The following NRXN1 variants were observed in gnomAD, a reference collection of about 807,000 sequenced individuals.
NRXN1 encodes the protein neurexin-1.
In NRXN1, 39 loss-of-function variants were observed where a neutral mutation model predicts 150.9. The observed-to-expected ratio is 0.26, with a 90% CI of 0.20 to 0.34. The LOEUF is 0.34. Ranked by LOEUF, NRXN1 falls within the 10% of genes least tolerant of loss-of-function variation. The pLI is 1.00. For synonymous variants in NRXN1, 924 were observed against 757.0 expected (o/e 1.22, Z -3.62); for missense variants, 1,815 against 1,949.9 (o/e 0.93, Z 1.30).
chr2:50,873,859 C>T (rs1477734535), intron 5 of NRXN1, among the ~76,000 whole-genome samples: 3 of 151,758 alleles, frequency 2.0e-5, no homozygotes, highest in East Asian at 3.9e-4. Flanking sequence ...CTGGCAAGTG[C>T]CTCCAGGGAA....
chr2:50,564,015 G>C (rs1302841997), intron 8 of NRXN1, among the ~76,000 whole-genome samples: 3 of 152,146 alleles, frequency 2.0e-5, no homozygotes, highest in Non-Finnish European at 2.9e-5. Context: ...CTGAGAAGTT[G>C]TATAAGTTTG....
chr2:50,436,256 C>G (rs192585228), intron 17 of NRXN1, among the ~76,000 whole-genome samples: 3 of 152,186 alleles, frequency 2.0e-5, no homozygotes, highest in African/African-American at 7.2e-5. Context: ...GAGTTCGACA[C>G]CAGCCTGACC....
At chr2:50,487,855 C>T (rs961312929) in intron 15 of NRXN1, among the ~76,000 whole-genome samples, 1 of 152,180 alleles carries the variant, frequency 6.6e-6, no homozygotes, top group Non-Finnish European at 1.5e-5. Context: ...ACCCTCGCAT[C>T]TGCACAGAAG....
At chr2:50,391,770 T>G (rs1460773617) in intron 17 of NRXN1, among the ~76,000 whole-genome samples, 2 of 152,144 alleles carry the variant, frequency 1.3e-5, no homozygotes. Context: ...AGAATTAAAA[T>G]GGTCAGGCTG....
intron 22 of NRXN1, among the ~76,000 whole-genome samples, chr2:49,931,612 A>G (rs763143132): frequency 6.6e-6 from 1 of 151,952 alleles, no homozygotes; most frequent in African/African-American, 2.4e-5. Flanking sequence ...CTCAGGCCCA[A>G]CTTTCCATAA....
intron 21 of NRXN1, among the ~76,000 whole-genome samples, chr2:49,958,908 G>A (rs546606184): frequency 6.6e-6 from 1 of 152,136 alleles, no homozygotes; most frequent in African/African-American, 2.4e-5. Context: ...TCCGTCCTGA[G>A]AAATGAGAAA....
intron 18 of NRXN1, among the ~76,000 whole-genome samples, chr2:50,111,001 T>C (rs1450602971): frequency 6.6e-6 from 1 of 152,220 alleles, no homozygotes; most frequent in African/African-American, 2.4e-5. Flanking sequence ...ATTTTCATCT[T>C]TTTTATTTGA....
chr2:50,167,784 A>C (rs1306353081), intron 18 of NRXN1, among the ~76,000 whole-genome samples: 2 of 151,998 alleles, frequency 1.3e-5, no homozygotes, highest in African/African-American at 4.8e-5. Flanking sequence ...ATTGGTCTGG[A>C]GTTCAGTTTG....
chr2:50,689,802 A>G (rs963267818), intron 5 of NRXN1, among the ~76,000 whole-genome samples: 10 of 151,944 alleles, frequency 6.6e-5, no homozygotes, highest in Non-Finnish European at 1.3e-4. Flanking sequence ...AACAACTTCC[A>G]ACTTTATAAG....
At chr2:50,556,915 C>CT (rs1333278565) in intron 8 of NRXN1, among the ~76,000 whole-genome samples, 1 of 152,076 alleles carries the variant, frequency 6.6e-6, no homozygotes, top group East Asian at 1.9e-4. Context: ...AATTCTTGAG[C>CT]TTTTTTTACC....
chr2:50,837,922 T>C (rs1050305400), intron 5 of NRXN1, among the ~76,000 whole-genome samples: 1 of 152,140 alleles, frequency 6.6e-6, no homozygotes, highest in Non-Finnish European at 1.5e-5. Context: ...AGTGAGCTGA[T>C]TTATTTTGGG....
chr2:50,251,554 G>A (rs775709513), intron 17 of NRXN1, among the ~76,000 whole-genome samples: 2 of 152,230 alleles, frequency 1.3e-5, no homozygotes, highest in Admixed American at 6.5e-5. Flanking sequence ...CCCAGTAGTA[G>A]GATTGCTGGG....
intron 17 of NRXN1, among the ~76,000 whole-genome samples, chr2:50,298,084 A>C (rs894038078): frequency 4.1e-4 from 63 of 152,106 alleles, no homozygotes; most frequent in African/African-American, 1.4e-3. Flanking sequence ...TATTAAGATT[A>C]ATAAAAAGAC....
At chr2:50,402,822 C>T (rs1434445475) in intron 17 of NRXN1, among the ~76,000 whole-genome samples, 3 of 152,008 alleles carry the variant, frequency 2.0e-5, no homozygotes, top group Non-Finnish European at 4.4e-5. Flanking sequence ...TTTCTTTAAG[C>T]CTCAACTCCT....
At chr2:50,836,783 A>G (rs1469133566) in intron 5 of NRXN1, among the ~76,000 whole-genome samples, 3 of 151,688 alleles carry the variant, frequency 2.0e-5, no homozygotes, top group African/African-American at 7.3e-5. Context: ...CGAACTCTTT[A>G]GATTCTTATA....
chr2:50,045,361 G>C (rs993090708), intron 21 of NRXN1, among the ~76,000 whole-genome samples: 4 of 151,964 alleles, frequency 2.6e-5, no homozygotes, highest in African/African-American at 9.7e-5. Context: ...TTTTTGTTTT[G>C]AGACAGAGTG....
intron 17 of NRXN1, among the ~76,000 whole-genome samples, chr2:50,380,495 T>A (rs896820030): frequency 6.6e-6 from 1 of 151,888 alleles, no homozygotes; most frequent in Non-Finnish European, 1.5e-5. Context: ...AATAGTAGAG[T>A]GGTTAAGTGA....
At chr2:50,511,092 G>A (rs1433724551) in intron 12 of NRXN1, among the ~76,000 whole-genome samples, 7 of 151,108 alleles carry the variant, frequency 4.6e-5, no homozygotes, top group East Asian at 3.9e-4. Flanking sequence ...ACAGAATCTC[G>A]CTCTGTTGCT....
At chr2:50,261,084 T>G (rs2068222765) in intron 17 of NRXN1, among the ~76,000 whole-genome samples, 1 of 151,776 alleles carries the variant, frequency 6.6e-6, no homozygotes, top group Non-Finnish European at 1.5e-5. Context: ...TCAGATCATG[T>G]AGAGACAACC....
Sources: gnomAD v4.1 joint callset for allele counts (sites outside exome capture counted in the v4.1 genomes callset) on GRCh38, gnomAD v4.1.1 for gene constraint, MANE v1.5 for transcripts, NCBI Gene and HGNC (gene_info 2026-07-23, HGNC 2026-07-21) for gene names.